Variants in GPR31 observed in about 807,000 individuals in gnomAD.
GPR31 encodes 12-(S)-hydroxy-5,8,10,14-eicosatetraenoic acid receptor.
For synonymous variants in GPR31, 209 were observed against 183.8 expected (o/e 1.14, Z -1.11); for missense variants, 394 against 400.5 (o/e 0.98, Z 0.14).
Position 167,157,191 on chromosome 6 carries a change from T to A in GPR31, c.641A>T (p.Gln214Leu). The change falls in exon 1 of 1, where the codon CAG becomes CTG. Residue 214 changes from glutamine to leucine, a missense_variant. Coordinates refer to ENST00000366834, the MANE Select transcript of GPR31 (RefSeq NM_005299.3). Reference sequence around the variant, plus strand: ...TGCCTGGGCCCGCTGAAGCTTGGGCTGTTTCTCAGGCTCCCGGAGTCTTTT... The same window carrying A: ...TGCCTGGGCCCGCTGAAGCTTGGGCAGTTTCTCAGGCTCCCGGAGTCTTTT... ...LQKRLREPEK[Q>L]PKLQRAQALV... 6.2e-7 allele frequency: 1 copy of A among 1,614,244 alleles called. No individual in the cohort carries two copies. Among genetic ancestry groups the A allele is most frequent in the Non-Finnish European group, 8.5e-7 (1 of 1,180,034 alleles).
At position 167,156,447 on chromosome 6, in the gene GPR31, G is replaced by A. The variant is rs1244992473; in HGVS notation, c.*425C>T. On this transcript the variant is annotated 3_prime_UTR_variant, in exon 1 of 1. Transcript: ENST00000366834. This position sits in a 1 kb window ranked among gnomAD's most constrained non-coding sequence, Gnocchi z 4.5. The stretch of plus-strand genomic sequence containing the variant: ...GGGAAGAAAACATAGTTTTTTTTTT[G>A]TATTTAAAACTGAAGCATAATAAAT... 2 of 154,456 alleles carry A rather than the reference G, an allele frequency of 1.3e-5. No individual in the cohort carries two copies. The highest frequency in any genetic ancestry group is 2.4e-5 in the African/African-American group (1 of 41,122). 9.6% of individuals were successfully genotyped at this position (154,456 alleles called of 1,614,324 possible).
At position 167,155,932 on chromosome 6, in the gene GPR31, C is replaced by T. The variant is rs911443571; in HGVS notation, c.*940G>A. The stretch of plus-strand genomic sequence containing the variant: ...GATGAAAAGATGGCAGCTGTTGTAA[C>T]GGCATCCAGAGGCTGGGGCTGGACG... On this transcript the variant is annotated 3_prime_UTR_variant, in exon 1 of 1. Transcript: ENST00000366834. Among the ~76,000 whole-genome samples, 1 of 152,222 alleles carries T rather than the reference C, an allele frequency of 6.6e-6. No individual in the cohort carries two copies. The highest frequency in any genetic ancestry group is 2.4e-5 in the African/African-American group (1 of 41,462).
chr6:167,157,962 A>G lies in GPR31; in HGVS notation c.-131T>C. On this transcript the variant is annotated 5_prime_UTR_variant, in exon 1 of 1. Coordinates refer to ENST00000366834, the MANE Select transcript of GPR31 (RefSeq NM_005299.3). ...ACAAGATCTACATTTGCCCAACAAG[A>G]ACAGTTCCTCAGCAGAATAGAGTCC... 8.8e-7 allele frequency: 1 copy of G among 1,142,018 alleles called. No individual in the cohort carries two copies. The highest frequency in any genetic ancestry group is 1.2e-6 in the Non-Finnish European group (1 of 818,004). The allele number at this position is 1,142,018 out of a possible 1,614,324, so 70.7% of individuals were successfully genotyped here.
rs759131510 is a variant in GPR31 at position 167,157,791 on chromosome 6, G to A, written c.41C>T (p.Ala14Val). Residue 14 changes from alanine to valine, a missense_variant, in exon 1 of 1, where the codon GCC (alanine) becomes GTC (valine). By Grantham distance (64) the Ala-to-Val change is moderately conservative (BLOSUM62 0). Coordinates refer to ENST00000366834, the MANE Select transcript of GPR31 (RefSeq NM_005299.3). ...PNCSAPSTVV[A>V]TAVGVLLGLE... The stretch of plus-strand genomic sequence containing the variant: ...CCCCAGCAAGACACCCACAGCTGTG[G>A]CCACCACAGTGCTGGGGGCTGAGCA... The A allele has an allele frequency of 6.2e-7, 1 of 1,612,364 alleles. No homozygotes were observed. Among genetic ancestry groups the A allele is most frequent in the Admixed American group, 1.7e-5 (1 of 59,872 alleles).
At position 167,157,187 on chromosome 6, in the gene GPR31, G is replaced by A; in HGVS notation, c.645C>T (p.Pro215=). The change falls in exon 1 of 1, where the codon CCC becomes CCT. Residue 215 remains proline, a synonymous_variant. Transcript: ENST00000366834. ...QKRLREPEKQ[P]KLQRAQALVT... The stretch of plus-strand genomic sequence containing the variant: ...CCAGTGCCTGGGCCCGCTGAAGCTT[G>A]GGCTGTTTCTCAGGCTCCCGGAGTC... 1 of 1,614,218 alleles carries A rather than the reference G, an allele frequency of 6.2e-7. No individual in the cohort carries two copies. Among genetic ancestry groups the A allele is most frequent in the Non-Finnish European group, 8.5e-7 (1 of 1,180,030 alleles).
Position 167,157,453 on chromosome 6 carries a change from A to T in GPR31, c.379T>A (p.Ser127Thr). 1 of 1,613,594 alleles carries T rather than the reference A, an allele frequency of 6.2e-7. No homozygotes were observed. ...GAGACCCCCAGGGCCGCCTGAGGAG[A>T]CAGCAGGTTGACCTTAAGCCGAGGG... The part of the protein sequence containing the change: ...VHPRLKVNLL[S>T]PQAALGVSGL... The change falls in exon 1 of 1, where the codon TCT (serine) becomes ACT (threonine). Residue 127 changes from serine to threonine, a missense_variant. Physicochemically the swap from Ser to Thr is moderately conservative, Grantham distance 58 (BLOSUM62 1). Coordinates refer to ENST00000366834, the MANE Select transcript of GPR31 (RefSeq NM_005299.3).
rs181515201 is a variant in GPR31, at chr6:167,155,732, C to T, written c.*1140G>A. Among the ~76,000 whole-genome samples, 16 of 152,378 alleles carry T rather than the reference C, an allele frequency of 1.1e-4. No homozygotes were observed. The highest frequency in any genetic ancestry group is 2.9e-4 in the African/African-American group (12 of 41,596). Reference sequence around the variant, plus strand: ...GAGGGGCAGCTCACCAGGCCCATGTCGTGACAAGGCAGGCCTCCCGCCTCC... The same window carrying T: ...GAGGGGCAGCTCACCAGGCCCATGTTGTGACAAGGCAGGCCTCCCGCCTCC... On this transcript the variant is annotated 3_prime_UTR_variant, in exon 1 of 1. Transcript: ENST00000366834.
rs1011812153 is a variant in GPR31, at chr6:167,156,594, CTT to C, written c.*276_*277del. ...GTGTGGAGATGGAGTAGCTGCCCGA[CTT>C]TTCAGTTCAGCAACTGAATCTGCAT... is the stretch of plus-strand genomic sequence containing the variant. On this transcript the variant is annotated 3_prime_UTR_variant, in exon 1 of 1. Transcript: ENST00000366834. The surrounding 1 kb of genome is among the most constrained non-coding windows in gnomAD (Gnocchi z 4.5). 1.9e-5 allele frequency: 6 copies of C among 310,296 alleles called. No homozygotes were observed. Among genetic ancestry groups the C allele is most frequent in the African/African-American group, 1.3e-4 (6 of 46,688 alleles). The allele number at this position is 310,296 out of a possible 1,614,324, so 19.2% of individuals were successfully genotyped here.
Position 167,157,487 on chromosome 6 carries a change from A to G in GPR31, c.345T>C (p.Arg115=). Residue 115 remains arginine, a synonymous_variant, in exon 1 of 1, where the codon CGT becomes CGC. Coordinates refer to ENST00000366834, the MANE Select transcript of GPR31 (RefSeq NM_005299.3). ...TGACCTTAAGCCGAGGGTGGACCAC[A>G]CGGAGGTACCGGTCCAAAGCCACGG... The part of the protein sequence containing the change: ...LAAVALDRYL[R]VVHPRLKVNL... 6.2e-7 allele frequency: 1 copy of G among 1,613,582 alleles called. No individual in the cohort carries two copies. The highest frequency in any genetic ancestry group is 1.1e-5 in the South Asian group (1 of 91,024).
At position 167,157,177 on chromosome 6, in the gene GPR31, G is replaced by A. The variant is rs897556003; in HGVS notation, c.655C>T (p.Arg219Trp). 1.9e-6 allele frequency: 3 copies of A among 1,614,104 alleles called. No homozygotes were observed. The highest frequency in any genetic ancestry group is 1.3e-5 in the African/African-American group (1 of 74,948). The change falls in exon 1 of 1, where the codon CGG becomes TGG. Residue 219 changes from arginine to tryptophan, a missense_variant. Coordinates refer to ENST00000366834, the MANE Select transcript of GPR31 (RefSeq NM_005299.3). ...REPEKQPKLQ[R>W]AQALVTLVVV... ...ACCAAGGTGACCAGTGCCTGGGCCCGCTGAAGCTTGGGCTGTTTCTCAGGC... is the reference window on the plus strand; with the variant it reads ...ACCAAGGTGACCAGTGCCTGGGCCCACTGAAGCTTGGGCTGTTTCTCAGGC...
chr6:167,156,594 C>G lies in GPR31; in HGVS notation c.*278G>C, dbSNP rs1251105527. 3.2e-6 allele frequency: 1 copy of G among 310,296 alleles called. No homozygotes were observed. Among genetic ancestry groups the G allele is most frequent in the East Asian group, 5.4e-5 (1 of 18,516 alleles). 19.2% of individuals were successfully genotyped at this position (310,296 alleles called of 1,614,324 possible). A position where few individuals can be genotyped will look rare whatever the true frequency, so the allele number is the denominator to read the frequency against. On this transcript the variant is annotated 3_prime_UTR_variant, in exon 1 of 1. Coordinates refer to ENST00000366834, the MANE Select transcript of GPR31 (RefSeq NM_005299.3). The surrounding 1 kb of genome is among the most constrained non-coding windows in gnomAD (Gnocchi z 4.5). The stretch of plus-strand genomic sequence containing the variant: ...GTGTGGAGATGGAGTAGCTGCCCGA[C>G]TTTTCAGTTCAGCAACTGAATCTGC...
chr6:167,157,677 T>C lies in GPR31; in HGVS notation c.155A>G (p.Tyr52Cys). The change falls in exon 1 of 1, where the codon TAC becomes TGC. Residue 52 changes from tyrosine to cysteine, a missense_variant. Tyr to Cys is a radical substitution (Grantham distance 194, BLOSUM62 -2). Coordinates refer to ENST00000366834, the MANE Select transcript of GPR31 (RefSeq NM_005299.3). ...GTCAGCCAGGGCCAGGTTGAGCAGG[T>C]AGACAGCGTACGGCTTCCACACCCT... The part of the protein sequence containing the change: ...RVRVWKPYAV[Y>C]LLNLALADLL... 1 of 1,613,656 alleles carries C rather than the reference T, an allele frequency of 6.2e-7. No homozygotes were observed. The highest frequency in any genetic ancestry group is 8.5e-7 in the Non-Finnish European group (1 of 1,179,976).
chr6:167,157,861 C>T lies in GPR31; in HGVS notation c.-30G>A, dbSNP rs1289136569. ...CGGCCGTGAGGGGCTGCAGGCACAG[C>T]TGGAGCAGGTACAGGAGGAACTCTG... On this transcript the variant is annotated 5_prime_UTR_variant, in exon 1 of 1. Coordinates refer to ENST00000366834, the MANE Select transcript of GPR31 (RefSeq NM_005299.3). 6.3e-7 allele frequency: 1 copy of T among 1,579,846 alleles called. No homozygotes were observed. Among genetic ancestry groups the T allele is most frequent in the Non-Finnish European group, 8.6e-7 (1 of 1,163,244 alleles).
rs746772242 is a variant in GPR31, at chr6:167,157,044, G to A, written c.788C>T (p.Thr263Ile). ...SCRALCAVAH[T>I]SDVTGSLTYL... ...GGTGAGGCTGCCCGTGACATCCGAGGTATGAGCCACTGCACAAAGGGCCCT... is the reference window on the plus strand; with the variant it reads ...GGTGAGGCTGCCCGTGACATCCGAGATATGAGCCACTGCACAAAGGGCCCT... Residue 263 changes from threonine to isoleucine, a missense_variant, in exon 1 of 1, where the codon ACC becomes ATC. Physicochemically the swap from Thr to Ile is moderately conservative, Grantham distance 89. Coordinates refer to ENST00000366834, the MANE Select transcript of GPR31 (RefSeq NM_005299.3). 2 of 1,614,120 alleles carry A rather than the reference G, an allele frequency of 1.2e-6. No homozygotes were observed. The highest frequency in any genetic ancestry group is 8.5e-7 in the Non-Finnish European group (1 of 1,180,024).
Position 167,157,840 on chromosome 6 carries a change from C to T in GPR31, c.-9G>A, listed in dbSNP as rs563275685. The T allele has an allele frequency of 1.6e-5, 26 of 1,598,354 alleles. No individual in the cohort carries two copies. The East Asian group carries it at 2.9e-4, about 18-fold the overall frequency. ...CAGTTTGGGAATGGCATCACCCGGC[C>T]GTGAGGGGCTGCAGGCACAGCTGGA... On this transcript the variant is annotated 5_prime_UTR_variant, in exon 1 of 1. Transcript: ENST00000366834.
rs532667963 is a variant in GPR31, at chr6:167,155,868, C to G, written c.*1004G>C. On this transcript the variant is annotated 3_prime_UTR_variant, in exon 1 of 1. Coordinates refer to ENST00000366834, the MANE Select transcript of GPR31 (RefSeq NM_005299.3). ...GACTTTGAAAATCTTTTATCATCAT[C>G]GTGAGACTCAGTTTTGGAATACAAT... Among the ~76,000 whole-genome samples, 1 of 152,320 alleles carries G rather than the reference C, an allele frequency of 6.6e-6. No individual in the cohort carries two copies. Among genetic ancestry groups the G allele is most frequent in the African/African-American group, 2.4e-5 (1 of 41,576 alleles).
In GPR31 at chr6:167,157,035, A is replaced by G. The variant is rs1261360009; in HGVS notation, c.797T>C (p.Val266Ala). 1 of 1,614,160 alleles carries G rather than the reference A, an allele frequency of 6.2e-7. No individual in the cohort carries two copies. The highest frequency in any genetic ancestry group is 8.5e-7 in the Non-Finnish European group (1 of 1,180,034). ...ALCAVAHTSD[V>A]TGSLTYLHSV... ...GTGCAGGTAGGTGAGGCTGCCCGTG[A>G]CATCCGAGGTATGAGCCACTGCACA... The change falls in exon 1 of 1, where the codon GTC becomes GCC. Residue 266 changes from valine (V) to alanine (A), a missense_variant. By Grantham distance (64) the Val-to-Ala change is moderately conservative. Coordinates refer to ENST00000366834, the MANE Select transcript of GPR31 (RefSeq NM_005299.3).
rs1782078145 is a variant in GPR31, at chr6:167,157,490, G to A, written c.342C>T (p.Leu114=). Residue 114 remains leucine, a synonymous_variant, in exon 1 of 1, where the codon CTC becomes CTT. Coordinates refer to ENST00000366834, the MANE Select transcript of GPR31 (RefSeq NM_005299.3). ...FLAAVALDRY[L]RVVHPRLKVN... The stretch of plus-strand genomic sequence containing the variant: ...CCTTAAGCCGAGGGTGGACCACACG[G>A]AGGTACCGGTCCAAAGCCACGGCGG... 1 of 1,613,552 alleles carries A rather than the reference G, an allele frequency of 6.2e-7. No individual in the cohort carries two copies.
In GPR31 at chr6:167,157,502, CA is replaced by C. The variant is rs1221233225; in HGVS notation, c.329del (p.Leu110TrpfsTer32). On this transcript the variant is annotated frameshift_variant, in exon 1 of 1. Coordinates refer to ENST00000366834, the MANE Select transcript of GPR31 (RefSeq NM_005299.3). LOFTEE classifies it low-confidence loss of function (END_TRUNC). ...VGMAFLAAVA[L>X]DRYLRVVHPR... ...GGTGGACCACACGGAGGTACCGGTC[CA>C]AAGCCACGGCGGCCAGGAAGGCCAT... is the stretch of plus-strand genomic sequence containing the variant. 4.3e-6 allele frequency: 7 copies of C among 1,613,486 alleles called. No individual in the cohort carries two copies. In the South Asian group the frequency reaches 7.7e-5, roughly 18 times the overall value.
Sources: gnomAD v4.1 joint callset for allele counts (sites outside exome capture counted in the v4.1 genomes callset) on GRCh38, gnomAD v4.1.1 for gene constraint, Gnocchi (gnomAD v3.1) non-coding constraint, MANE v1.5 for transcripts, NCBI Gene and HGNC (gene_info 2026-07-23, HGNC 2026-07-21) for gene names.